The following MYO6 variants were observed in gnomAD, a reference collection of about 807,000 sequenced individuals.
MYO6 encodes myosin VI.
MYO6 carries 74 observed loss-of-function variants against 178.7 expected under a neutral mutation model. The observed-to-expected ratio is 0.41, with a 90% CI of 0.34 to 0.50. The LOEUF (loss-of-function observed/expected upper bound fraction) is 0.50, where lower values mean the gene tolerates loss of function less well. Among genes scored for constraint, MYO6 ranks in the 20% least tolerant of loss-of-function variants. The pLI, the probability that MYO6 is intolerant of heterozygous loss-of-function variation, is 0.09. For missense variants in MYO6, 1,330 were observed against 1,547.4 expected (o/e 0.86, Z 2.36); for synonymous variants, 477 against 504.6 (o/e 0.95, Z 0.73).
chr6:75,799,126 T>C (rs1022324283), intron 1 of MYO6, among the ~76,000 whole-genome samples: 5 of 152,122 alleles, frequency 3.3e-5, no homozygotes, highest in Non-Finnish European at 7.4e-5. Context: ...CGGTGGCTCA[T>C]GTCTGTAATC....
At chr6:75,907,582 G>A (rs779491682) in intron 30 of MYO6, 23 bp from the exon 31 acceptor site, 1 of 1,573,516 alleles carries the variant, frequency 6.4e-7, no homozygotes, top group Non-Finnish European at 8.7e-7. Flanking sequence ...GTTTAAACAT[G>A]CAAAAATGTG....
chr6:75,852,872 C>T (rs751080300), intron 11 of MYO6, among the ~76,000 whole-genome samples: 1 of 152,138 alleles, frequency 6.6e-6, no homozygotes, highest in Non-Finnish European at 1.5e-5. Context: ...TGGAGTGGAA[C>T]TGCTGAATCA....
chr6:75,786,786 T>A (rs938455654), intron 1 of MYO6, among the ~76,000 whole-genome samples: 1 of 152,198 alleles, frequency 6.6e-6, no homozygotes. Flanking sequence ...TGCACAACTT[T>A]TTTTCTGAAC....
intron 7 of MYO6, among the ~76,000 whole-genome samples, chr6:75,837,799 G>A (rs924760974): frequency 1.3e-5 from 2 of 152,064 alleles, no homozygotes; most frequent in Non-Finnish European, 2.9e-5. Flanking sequence ...TGTAAGTAAT[G>A]CTTTATTCAC....
At chr6:75,819,277 A>G (rs948574651) in intron 2 of MYO6, among the ~76,000 whole-genome samples, 6 of 152,176 alleles carry the variant, frequency 3.9e-5, no homozygotes, top group African/African-American at 1.4e-4. Flanking sequence ...TTTAATCTTA[A>G]TTTTCCTCCC....
At chr6:75,901,670 A>C (rs573924228) in intron 30 of MYO6, among the ~76,000 whole-genome samples, 257 of 152,304 alleles carry the variant, frequency 1.7e-3, no homozygotes, top group Non-Finnish European at 3.0e-3. Context: ...TCGTCTGCAA[A>C]CAGGGACAAT....
At chr6:75,891,346 C>T (rs751205451) in intron 27 of MYO6, 40 bp downstream of exon 27, 1 of 1,490,516 alleles carries the variant, frequency 6.7e-7, no homozygotes, top group African/African-American at 1.4e-5. Flanking sequence ...AAAATGGAAC[C>T]TACAGGCTGG....
rs1262454536 is a variant in MYO6, at chr6:75,861,033, T to G, written c.1484T>G (p.Leu495Arg). The change falls in exon 15 of 35, where the codon CTC (leucine) becomes CGC (arginine). Residue 495 changes from leucine (L) to arginine (R), a missense_variant. Transcript: ENST00000369977. ...TTATTTCATTTTTAGGAACAAGAAC[T>G]CTATCAAAAAGAAGGTTTAGGTGTT... ...NERILKEEQE[L>R]YQKEGLGVNE... The G allele has an allele frequency of 1.3e-6, 2 of 1,598,938 alleles. No homozygotes were observed. The highest frequency in any genetic ancestry group is 2.7e-5 in the African/African-American group (2 of 74,572).
intron 1 of MYO6, among the ~76,000 whole-genome samples, chr6:75,783,836 A>G (rs1352529271): frequency 6.6e-6 from 1 of 152,152 alleles, no homozygotes; most frequent in Non-Finnish European, 1.5e-5. Flanking sequence ...AGGGGAGCAA[A>G]AAGGCTGTGT....
chr6:75,900,658 G>A (rs1242064627), intron 30 of MYO6, among the ~76,000 whole-genome samples: 2 of 152,080 alleles, frequency 1.3e-5, no homozygotes, highest in Admixed American at 6.6e-5. Flanking sequence ...AGTAGGTTGC[G>A]AAAATTTTCT....
chr6:75,819,763 G>A (rs917687128), intron 2 of MYO6, among the ~76,000 whole-genome samples: 19 of 152,202 alleles, frequency 1.2e-4, no homozygotes, highest in Non-Finnish European at 7.3e-5. Context: ...TTTTAAAAAT[G>A]CTGTTTTAGG....
chr6:75,853,458 A>T (rs995732549), intron 11 of MYO6, among the ~76,000 whole-genome samples: 12 of 152,136 alleles, frequency 7.9e-5, no homozygotes, highest in African/African-American at 2.9e-4. Flanking sequence ...ACAGTTTAAT[A>T]GCTTTAGCTC....
In MYO6 at chr6:75,795,422, A is replaced by G. The variant is rs370164296; in HGVS notation, c.-47-22079A>G. On this transcript the variant is annotated intron_variant, in intron 1 of 34. Coordinates refer to ENST00000369977, the MANE Select transcript of MYO6 (RefSeq NM_004999.4). ...GAAGGTGTATGGAGCTTTGGATCATATAATCAGTATGATCGATTATTTTTG... is the reference window on the plus strand; with the variant it reads ...GAAGGTGTATGGAGCTTTGGATCATGTAATCAGTATGATCGATTATTTTTG... Among the ~76,000 whole-genome samples the G allele has an allele frequency of 9.2e-5, 14 of 152,344 alleles. No homozygotes were observed. In the South Asian group the frequency reaches 2.3e-3, roughly 25 times the overall value.
rs906079699 is a variant in MYO6 at position 75,895,097 on chromosome 6, G to A, written c.3108-134G>A. ...TTAAAAATATATTAAAATTCTGAGT[G>A]ATCTCATGTTGATTACAAATAATTG... is the stretch of plus-strand genomic sequence containing the variant. On this transcript the variant is annotated intron_variant, in intron 28 of 34. Transcript: ENST00000369977. 1.0e-5 allele frequency: 7 copies of A among 669,064 alleles called. No homozygotes were observed. The Admixed American group carries it at 2.1e-4, about 20-fold the overall frequency. 41.4% of individuals were successfully genotyped at this position (669,064 alleles called of 1,614,324 possible).
At chr6:75,838,664 C>CT (rs1773893120) in intron 7 of MYO6, among the ~76,000 whole-genome samples, 1 of 104,270 alleles carries the variant, frequency 9.6e-6, no homozygotes. Flanking sequence ...TTTTTTTTTT[C>CT]TTCTTGTTTT....
intron 7 of MYO6, among the ~76,000 whole-genome samples, chr6:75,840,348 A>G (rs1051344216): frequency 6.6e-6 from 1 of 151,924 alleles, no homozygotes; most frequent in Non-Finnish European, 1.5e-5. Flanking sequence ...TTTTTAGTAG[A>G]GACGGGGTTT....
At chr6:75,778,342 C>T (rs1217966206) in intron 1 of MYO6, among the ~76,000 whole-genome samples, 1 of 152,102 alleles carries the variant, frequency 6.6e-6, no homozygotes, top group Non-Finnish European at 1.5e-5. Context: ...CGCCTGTAAT[C>T]CCAGCACTTT....
At chr6:75,839,166 T>TG (rs1773954404) in intron 7 of MYO6, among the ~76,000 whole-genome samples, 1 of 151,988 alleles carries the variant, frequency 6.6e-6, no homozygotes, top group South Asian at 2.1e-4. Context: ...TATGACTTCA[T>TG]GTTTATTTTT....
In MYO6 at chr6:75,890,125, C is replaced by T. The variant is rs780718514; in HGVS notation, c.2727C>T (p.Leu909=). ...CACTGGTTAAAAGCTCAGAGGAACT[C>T]CTCAGTGCATTACAGAAAAAAAAAC... is the stretch of plus-strand genomic sequence containing the variant. ...YDALVKSSEE[L]LSALQKKKQQ... The change falls in exon 26 of 35, where the codon CTC becomes CTT. Residue 909 remains leucine, a synonymous_variant. Coordinates refer to ENST00000369977, the MANE Select transcript of MYO6 (RefSeq NM_004999.4). The T allele has an allele frequency of 6.2e-7, 1 of 1,613,476 alleles. No homozygotes were observed. Among genetic ancestry groups the T allele is most frequent in the South Asian group, 1.1e-5 (1 of 91,058 alleles).
Sources: allele counts gnomAD v4.1 joint callset (sites outside exome capture counted in the v4.1 genomes callset), GRCh38; gene constraint gnomAD v4.1.1; transcripts MANE v1.5; gene names NCBI Gene and HGNC (gene_info 2026-07-23, HGNC 2026-07-21).